NUBP1: variants seen among roughly 807,000 people sequenced by gnomAD.
NUBP1 encodes the protein NUBP iron-sulfur cluster assembly factor 1, cytosolic.
NUBP1 carries 46 observed loss-of-function variants against 41.8 expected under a neutral mutation model. The ratio of observed to expected loss-of-function variants is 1.10; its 90% CI spans 0.87 to 1.41. The LOEUF (loss-of-function observed/expected upper bound fraction) is 1.41. Ranked by LOEUF, NUBP1 falls within the 40% of genes most tolerant of loss-of-function variation. The probability of loss-of-function intolerance (pLI) is 0.00; values close to 1 mark genes in which losing one functional copy is unlikely to be tolerated. For missense variants in NUBP1, 494 were observed against 414.0 expected, an observed-to-expected ratio of 1.19 and a Z score of -1.68; for synonymous variants, 189 against 154.6, an observed-to-expected ratio of 1.22 and a Z score of -1.65.
intron 9 of NUBP1, among the ~76,000 whole-genome samples, chr16:10,762,792 AGGAGAGGGTGGGGGCCGCGTGCTTGG>A (rs1298776853): frequency 1.4e-5 from 2 of 145,422 alleles, no homozygotes; most frequent in African/African-American, 2.5e-5. Flanking sequence ...TGGCCTGGCC[AGGAGAGGGTGGGGGCCGCGTGCTTGG>A]GGAGAGGGCG....
chr16:10,753,470 C>G (rs779698831), intron 4 of NUBP1, among the ~76,000 whole-genome samples: 1 of 152,048 alleles, frequency 6.6e-6, no homozygotes, highest in Non-Finnish European at 1.5e-5. Flanking sequence ...CCTCTTCTTG[C>G]TAGCAAGAAG....
chr16:10,767,145 C>A lies in NUBP1; in HGVS notation c.821-804C>A. 2.5e-6 allele frequency: 1 copy of A among 398,944 alleles called. No homozygotes were observed. The highest frequency in any genetic ancestry group is 3.6e-5 in the East Asian group (1 of 28,076). The allele number at this position is 398,944 out of a possible 1,614,324, so 24.7% of individuals were successfully genotyped here. On this transcript the variant is annotated intron_variant, in intron 9 of 10. Transcript: ENST00000283027. The surrounding 1 kb of genome is among the most constrained non-coding windows in gnomAD (Gnocchi z 4.6). ...TGCAGTCACTTGCCTGTTTCGCCAGCAGCTCAGGCCTGGGGAGTGGGCAGA... is the reference window on the plus strand; with the variant it reads ...TGCAGTCACTTGCCTGTTTCGCCAGAAGCTCAGGCCTGGGGAGTGGGCAGA...
chr16:10,767,949 G>GTT lies in NUBP1; in HGVS notation c.822_823insTT (p.Lys275LeufsTer21), dbSNP rs780064255. 6.2e-7 allele frequency: 1 copy of GTT among 1,614,044 alleles called. No homozygotes were observed. The highest frequency in any genetic ancestry group is 8.5e-7 in the Non-Finnish European group (1 of 1,179,952). On this transcript the variant is annotated frameshift_variant and splice_region_variant, in exon 10 of 11. Transcript: ENST00000283027. LOFTEE classifies it high-confidence loss of function. The surrounding 1 kb of genome is among the most constrained non-coding windows in gnomAD (Gnocchi z 4.6). ...GTCTTCCGTTTGTTTCTTTTTTAAG[G>GTT]TAAGAATTGTGACAAAGGCCAGTCT...
intron 9 of NUBP1, chr16:10,762,194 A>G: frequency 4.8e-6 from 1 of 207,586 alleles, no homozygotes; most frequent in Non-Finnish European, 9.8e-6. Flanking sequence ...CGTCCAGGTT[A>G]CAGAGGAAGG....
intron 3 of NUBP1, among the ~76,000 whole-genome samples, chr16:10,748,240 C>T (rs966698639): frequency 6.6e-6 from 1 of 152,122 alleles, no homozygotes; most frequent in Non-Finnish European, 1.5e-5. Flanking sequence ...CATGAGCCAC[C>T]GTGCCTGGCC....
At chr16:10,752,382 TGAG>T (rs1900359216) in intron 3 of NUBP1, among the ~76,000 whole-genome samples, 1 of 152,148 alleles carries the variant, frequency 6.6e-6, no homozygotes, top group Non-Finnish European at 1.5e-5. Flanking sequence ...AGATCACCCT[TGAG>T]GAGCTCAGCC....
Position 10,743,995 on chromosome 16 carries a change from A to AG in NUBP1, c.58dup (p.Ala20GlyfsTer64). On this transcript the variant is annotated frameshift_variant, in exon 2 of 11. Transcript: ENST00000283027. LOFTEE classifies it high-confidence loss of function. Reference sequence around the variant, plus strand: ...GGGCCGACAGCGCCCAGGCGGGCAGAGGGGCTTCATGTCAGGGATGCCCCA... The same window carrying AG: ...GGGCCGACAGCGCCCAGGCGGGCAGAGGGGGCTTCATGTCAGGGATGCCCCA... 6.3e-7 allele frequency: 1 copy of AG among 1,583,068 alleles called. No individual in the cohort carries two copies. The highest frequency in any genetic ancestry group is 8.5e-7 in the Non-Finnish European group (1 of 1,170,158).
At chr16:10,744,425 CGGGGAGTCTTCGGACTTACATCCT>C in intron 2 of NUBP1, among the ~76,000 whole-genome samples, 1 of 152,312 alleles carries the variant, frequency 6.6e-6, no homozygotes, top group South Asian at 2.1e-4. Flanking sequence ...GCTTCGAAGT[CGGGGAGTCTTCGGACTTACATCCT>C]GGCTCTGCCA....
At chr16:10,746,954 G>A (rs1900088753) in intron 2 of NUBP1, among the ~76,000 whole-genome samples, 189 bp from the exon 3 acceptor site, 1 of 152,124 alleles carries the variant, frequency 6.6e-6, no homozygotes, top group East Asian at 1.9e-4. Flanking sequence ...CCCTTCAAGT[G>A]TGATAATAGC....
At chr16:10,747,050 G>A (rs1348836556) in intron 2 of NUBP1, 93 bp from the exon 3 acceptor site, 14 of 1,487,942 alleles carry the variant, frequency 9.4e-6, no homozygotes, top group Non-Finnish European at 1.3e-5. Flanking sequence ...ACTAGTACTA[G>A]GACTAGGACT....
intron 7 of NUBP1, among the ~76,000 whole-genome samples, chr16:10,758,640 C>A (rs1900734992): frequency 6.6e-6 from 1 of 152,166 alleles, no homozygotes; most frequent in Non-Finnish European, 1.5e-5. Flanking sequence ...AGTTATAATT[C>A]ATACTGTGCT....
chr16:10,768,089 A>AGGAGCCAGGGGTGT lies in NUBP1; in HGVS notation c.904+61_904+74dup. On this transcript the variant is annotated intron_variant, in intron 10 of 10. Coordinates refer to ENST00000283027, the MANE Select transcript of NUBP1 (RefSeq NM_002484.4). The surrounding 1 kb of genome is among the most constrained non-coding windows in gnomAD (Gnocchi z 4.3). ...GCCTGTGGGGCAGGAAGCAACATAA[A>AGGAGCCAGGGGTGT]GGAGCCAGGGGTGTGGAAGGACAGG... is the stretch of plus-strand genomic sequence containing the variant. 6.5e-7 allele frequency: 1 copy of AGGAGCCAGGGGTGT among 1,547,010 alleles called. No individual in the cohort carries two copies. Among genetic ancestry groups the AGGAGCCAGGGGTGT allele is most frequent in the African/African-American group, 1.4e-5 (1 of 73,688 alleles).
In NUBP1 at chr16:10,747,264, T is replaced by C; in HGVS notation, c.246T>C (p.Asp82=). Residue 82 remains aspartate, a synonymous_variant, in exon 3 of 11, where the codon GAT becomes GAC. Transcript: ENST00000283027. ...ACCTTGCCCATGGCCTAGCAGAGGATGAAAACACACAGGTGAGACCTCAGG... is the reference window on the plus strand; with the variant it reads ...ACCTTGCCCATGGCCTAGCAGAGGACGAAAACACACAGGTGAGACCTCAGG... The part of the protein sequence containing the change: ...SAHLAHGLAE[D]ENTQIALLDI... The C allele has an allele frequency of 1.2e-6, 2 of 1,613,904 alleles. No homozygotes were observed. The highest frequency in any genetic ancestry group is 1.7e-6 in the Non-Finnish European group (2 of 1,180,026).
chr16:10,760,323 A>G (rs1406756805), intron 7 of NUBP1, among the ~76,000 whole-genome samples: 1 of 152,178 alleles, frequency 6.6e-6, no homozygotes, highest in Non-Finnish European at 1.5e-5. Flanking sequence ...GTTCCGGAGG[A>G]ACTTTATTTA....
chr16:10,766,914 T>G lies in NUBP1; in HGVS notation c.821-1035T>G. 2.5e-6 allele frequency: 1 copy of G among 398,674 alleles called. No homozygotes were observed. The highest frequency in any genetic ancestry group is 4.4e-6 in the Non-Finnish European group (1 of 226,092). The allele number at this position is 398,674 out of a possible 1,614,324, so 24.7% of individuals were successfully genotyped here. A position where few individuals can be genotyped will look rare whatever the true frequency, so the allele number is the denominator to read the frequency against. ...ATGGCTCAAGTGCGAATTGGCCTTATGTTCCCTGCCTCTGGACCCTATTTT... is the reference window on the plus strand; with the variant it reads ...ATGGCTCAAGTGCGAATTGGCCTTAGGTTCCCTGCCTCTGGACCCTATTTT... On this transcript the variant is annotated intron_variant, in intron 9 of 10. Coordinates refer to ENST00000283027, the MANE Select transcript of NUBP1 (RefSeq NM_002484.4). This position sits in a 1 kb window ranked among gnomAD's most constrained non-coding sequence, Gnocchi z 4.8.
chr16:10,746,899 A>G (rs774181497), intron 2 of NUBP1, among the ~76,000 whole-genome samples: 12 of 152,224 alleles, frequency 7.9e-5, no homozygotes, highest in Non-Finnish European at 1.3e-4. Flanking sequence ...TGTGGAGACT[A>G]TGTTCTAGTT....
At position 10,756,711 on chromosome 16, in the gene NUBP1, G is replaced by T; in HGVS notation, c.382G>T (p.Val128Leu). The T allele has an allele frequency of 6.4e-7, 1 of 1,574,216 alleles. No homozygotes were observed. Among genetic ancestry groups the T allele is most frequent in the Non-Finnish European group, 8.6e-7 (1 of 1,164,854 alleles). Reference protein sequence around the residue: ...SPVYVEDNLGVMSVGFLLSSP... With the variant: ...SPVYVEDNLGLMSVGFLLSSP... ...GCAGTACGTGGAAGACAACCTGGGG[G>T]TGATGTCAGTGGGCTTCCTGCTCAG... Residue 128 changes from valine to leucine, a missense_variant, in exon 6 of 11, where the codon GTG becomes TTG. Coordinates refer to ENST00000283027, the MANE Select transcript of NUBP1 (RefSeq NM_002484.4).
At position 10,752,505 on chromosome 16, in the gene NUBP1, C is replaced by G. The variant is rs1014967381; in HGVS notation, c.259-105C>G. The G allele has an allele frequency of 4.7e-6, 4 of 845,166 alleles. No homozygotes were observed. The African/African-American group carries it at 6.7e-5, about 14-fold the overall frequency. 52.4% of individuals were successfully genotyped at this position (845,166 alleles called of 1,614,324 possible). ...GCTCCAAGTTTAACCCAGTTTCTGT[C>G]TTCTCCCCTGTCCTTTTCCTCTAAC... On this transcript the variant is annotated intron_variant, in intron 3 of 10. Transcript: ENST00000283027.
chr16:10,750,434 G>T (rs1351436625), intron 3 of NUBP1, among the ~76,000 whole-genome samples: 1 of 152,116 alleles, frequency 6.6e-6, no homozygotes, highest in African/African-American at 2.4e-5. Context: ...TAGAGACAGG[G>T]TTTCACTATG....
Sources: allele counts gnomAD v4.1 joint callset (sites outside exome capture counted in the v4.1 genomes callset), GRCh38; gene constraint gnomAD v4.1.1; non-coding constraint Gnocchi (gnomAD v3.1); transcripts MANE v1.5; gene names NCBI Gene and HGNC (gene_info 2026-07-23, HGNC 2026-07-21).